Variants in CCDC7 observed in about 807,000 individuals in gnomAD.
CCDC7 encodes the protein coiled-coil domain-containing protein 7.
In CCDC7, 183 loss-of-function variants were observed where a neutral mutation model predicts 196.9. The ratio of observed to expected loss-of-function variants is 0.93; its 90% CI spans 0.82 to 1.05. The LOEUF is 1.05. Ranked by LOEUF, CCDC7 falls within the 50% of genes least tolerant of loss-of-function variation. CCDC7 has a pLI of 0.00. For synonymous variants in CCDC7, 525 were observed against 484.6 expected, an observed-to-expected ratio of 1.08 and a Z score of -1.10; for missense variants, 1,540 against 1,482.2, an observed-to-expected ratio of 1.04 and a Z score of -0.64.
At chr10:32,870,089 G>T (rs2094371104) in intron 41 of CCDC7, among the ~76,000 whole-genome samples, 1 of 152,012 alleles carries the variant, frequency 6.6e-6, no homozygotes, top group Admixed American at 6.6e-5. Flanking sequence ...CTCTTTTTTG[G>T]TGCCATATGA....
intron 21 of CCDC7, among the ~76,000 whole-genome samples, chr10:32,670,026 G>T (rs998649505): frequency 6.6e-6 from 1 of 152,018 alleles, no homozygotes; most frequent in Non-Finnish European, 1.5e-5. Flanking sequence ...ATCCATCTTC[G>T]CTTGGGGCAC....
intron 28 of CCDC7, among the ~76,000 whole-genome samples, chr10:32,731,881 G>A (rs970864771): frequency 1.3e-5 from 2 of 152,072 alleles, no homozygotes; most frequent in South Asian, 2.1e-4. Context: ...ATGAAACCTC[G>A]TATCTACTAA....
chr10:32,695,058 G>C, intron 24 of CCDC7, 66 bp downstream of exon 25: 1 of 809,190 alleles, frequency 1.2e-6, no homozygotes, highest in South Asian at 2.6e-5. Context: ...ATTTTTCTTT[G>C]GTTCATGACT....
intron 15 of CCDC7, among the ~76,000 whole-genome samples, chr10:32,569,253 A>C (rs1488459487): frequency 6.6e-6 from 1 of 152,164 alleles, no homozygotes; most frequent in African/African-American, 2.4e-5. Context: ...GTGAAACAGG[A>C]GATATCATTA....
At chr10:32,520,335 A>G (rs2047693472) in intron 11 of CCDC7, among the ~76,000 whole-genome samples, 1 of 152,078 alleles carries the variant, frequency 6.6e-6, no homozygotes, top group South Asian at 2.1e-4. Context: ...ATTCTCACCA[A>G]CAGTGTATGA....
At chr10:32,521,901 T>TTA (rs2047937338) in intron 11 of CCDC7, among the ~76,000 whole-genome samples, 1 of 152,196 alleles carries the variant, frequency 6.6e-6, no homozygotes, top group Admixed American at 6.5e-5. Flanking sequence ...TAGAGGATTT[T>TTA]TATCATGAAG....
rs150958605 is a variant in CCDC7 at position 32,592,494 on chromosome 10, G to A, written c.1801+8190G>A. On this transcript the variant is annotated intron_variant, in intron 18 of 41. Transcript: ENST00000639629. ...AATTTCATTTTTTTGTACAACTTTC[G>A]CTGCATCTTATAAGTTTTAGGTAAA... is the stretch of plus-strand genomic sequence containing the variant. 2.7e-4 allele frequency among the ~76,000 whole-genome samples: 41 copies of A among 151,644 alleles called. 2 individuals are homozygous for A. In the East Asian group the frequency reaches 6.8e-3, roughly 25 times the overall value.
intron 18 of CCDC7, among the ~76,000 whole-genome samples, chr10:32,618,410 C>T (rs938755372): frequency 1.3e-5 from 2 of 151,620 alleles, no homozygotes; most frequent in Non-Finnish European, 2.9e-5. Flanking sequence ...TTTTATATTT[C>T]TGTATGTTTT....
chr10:32,516,744 G>A (rs2047090418), intron 9 of CCDC7, among the ~76,000 whole-genome samples: 1 of 152,154 alleles, frequency 6.6e-6, no homozygotes, highest in South Asian at 2.1e-4. Context: ...ATCTGCTTTG[G>A]AAAAGTTTGC....
At chr10:32,672,908 C>A (rs1296393889) in intron 21 of CCDC7, among the ~76,000 whole-genome samples, 3 of 152,178 alleles carry the variant, frequency 2.0e-5, no homozygotes, top group East Asian at 1.9e-4. Flanking sequence ...AGGTTGCTAT[C>A]TCCTCTGCCA....
At chr10:32,600,666 T>C (rs1286336847) in intron 18 of CCDC7, among the ~76,000 whole-genome samples, 1 of 152,198 alleles carries the variant, frequency 6.6e-6, no homozygotes, top group Non-Finnish European at 1.5e-5. Flanking sequence ...ATGACAAAAT[T>C]ACATCTTTAT....
At chr10:32,633,388 C>A (rs1045838397) in intron 18 of CCDC7, among the ~76,000 whole-genome samples, 3 of 152,044 alleles carry the variant, frequency 2.0e-5, no homozygotes, top group Non-Finnish European at 4.4e-5. Context: ...TATTTGTTTT[C>A]TTTTCCACAG....
At chr10:32,661,591 G>A (rs1029552287) in intron 20 of CCDC7, among the ~76,000 whole-genome samples, 5 of 152,028 alleles carry the variant, frequency 3.3e-5, no homozygotes, top group African/African-American at 4.8e-5. Context: ...TAGTCAGCAG[G>A]TGATAGATCT....
At chr10:32,480,003 C>A (rs2039680076) in intron 8 of CCDC7, among the ~76,000 whole-genome samples, 1 of 151,874 alleles carries the variant, frequency 6.6e-6, no homozygotes, top group South Asian at 2.1e-4. Flanking sequence ...TATAAATGTT[C>A]ACAGTAGTCT....
Position 32,854,384 on chromosome 10 carries a change from G to A in CCDC7, c.4022-16G>A. 2 of 1,445,250 alleles carry A rather than the reference G, an allele frequency of 1.4e-6. No homozygotes were observed. The highest frequency in any genetic ancestry group is 2.4e-5 in the South Asian group (2 of 84,934). The allele number at this position is 1,445,250 out of a possible 1,614,324, so 89.5% of individuals were successfully genotyped here. A position where few individuals can be genotyped will look rare whatever the true frequency, so the allele number is the denominator to read the frequency against. On this transcript the variant is annotated splice_polypyrimidine_tract_variant and intron_variant, in intron 40 of 41. Coordinates refer to ENST00000639629, the Ensembl canonical transcript of CCDC7. ...ATTTACCACATAATTTAATAACACT[G>A]TTCTCATTTTTTTAGGGCATTCGAA...
chr10:32,683,812 G>C (rs775264540), intron 21 of CCDC7, among the ~76,000 whole-genome samples: 5 of 152,158 alleles, frequency 3.3e-5, no homozygotes, highest in Non-Finnish European at 7.3e-5. Flanking sequence ...GCAGAAGTAG[G>C]GTGGCTGCAT....
At chr10:32,613,553 G>C (rs529923075) in intron 18 of CCDC7, among the ~76,000 whole-genome samples, 1 of 152,124 alleles carries the variant, frequency 6.6e-6, no homozygotes, top group Middle Eastern at 3.2e-3. Context: ...GGCATTTAGT[G>C]CTATAAATTG....
At chr10:32,533,174 T>A (rs1324713547) in intron 11 of CCDC7, among the ~76,000 whole-genome samples, 2 of 151,932 alleles carry the variant, frequency 1.3e-5, no homozygotes, top group Non-Finnish European at 2.9e-5. Context: ...GAACATTGTA[T>A]AGATATAACA....
rs1445093791 is a variant in CCDC7, at chr10:32,528,705, T to TAC, written c.993+10200_993+10201insAC. Among the ~76,000 whole-genome samples the TAC allele has an allele frequency of 6.7e-4, 97 of 144,294 alleles. 1 individual carries two copies. Among genetic ancestry groups the TAC allele is most frequent in the African/African-American group, 2.3e-3 (90 of 38,546 alleles). The allele number at this position is 144,294 out of a possible 152,430, so 94.7% of individuals were successfully genotyped here. On this transcript the variant is annotated intron_variant, in intron 11 of 41. Coordinates refer to ENST00000639629, the Ensembl canonical transcript of CCDC7. ...GCATATATATACACACACATATATA[T>TAC]GTATATATACATATATACGTATTTA...
Sources: gnomAD v4.1 joint callset for allele counts (sites outside exome capture counted in the v4.1 genomes callset) on GRCh38, gnomAD v4.1.1 for gene constraint, MANE v1.5 for transcripts, NCBI Gene and HGNC (gene_info 2026-07-23, HGNC 2026-07-21) for gene names.